The following TEX11 variants were observed in gnomAD, a reference collection of about 807,000 sequenced individuals.
TEX11 encodes the protein testis expressed 11.
A neutral mutation model predicts 84.4 loss-of-function variants in TEX11; 7 were observed. The ratio of observed to expected loss-of-function variants is 0.08; its 90% CI spans 0.05 to 0.16. The LOEUF (loss-of-function observed/expected upper bound fraction) is 0.16, where lower values mean the gene tolerates loss of function less well. Among genes scored for constraint, TEX11 ranks in the 10% least tolerant of loss-of-function variants. The pLI is 1.00. For synonymous variants in TEX11, 264 were observed against 222.8 expected (o/e 1.18, Z -1.64); for missense variants, 551 against 660.5 (o/e 0.83, Z 1.82).
chrX:70,537,491 G>A (rs1180150853), intron 28 of TEX11, among the ~76,000 whole-genome samples: 27 of 105,545 alleles, frequency 2.6e-4, no homozygotes, highest in Admixed American at 2.2e-3. Flanking sequence ...ATCAAAAGAA[G>A]AGAGAAAGAG....
chrX:70,811,202 C>T (rs927150060), intron 8 of TEX11, among the ~76,000 whole-genome samples: 8 of 104,847 alleles, frequency 7.6e-5, no homozygotes, highest in Admixed American at 1.0e-4. Flanking sequence ...CAGGCCCCAG[C>T]GTCTGATGTT....
intron 4 of TEX11, among the ~76,000 whole-genome samples, chrX:70,870,254 T>C (rs978386939): frequency 8.9e-6 from 1 of 112,199 alleles, no homozygotes; most frequent in Non-Finnish European, 1.9e-5. Flanking sequence ...CTTTTCCCTT[T>C]CATTTACTAT....
At chrX:70,677,730 C>G in intron 15 of TEX11, among the ~76,000 whole-genome samples, 1 of 110,478 alleles carries the variant, frequency 9.1e-6, no homozygotes, top group South Asian at 3.9e-4. Flanking sequence ...CTTCAGATCC[C>G]CTTCTTGTGC....
chrX:70,675,403 A>G (rs1002952425), intron 15 of TEX11, among the ~76,000 whole-genome samples: 5 of 111,573 alleles, frequency 4.5e-5, no homozygotes, highest in African/African-American at 1.3e-4. Context: ...TATTATGGTA[A>G]AAAACACATA....
intron 16 of TEX11, among the ~76,000 whole-genome samples, chrX:70,654,133 A>G (rs1308536157): frequency 9.0e-6 from 1 of 111,673 alleles, no homozygotes; most frequent in Non-Finnish European, 1.9e-5. Flanking sequence ...ACCACATATG[A>G]TGTACAACAC....
chrX:70,791,391 T>C (rs887568647), intron 9 of TEX11, among the ~76,000 whole-genome samples: 1 of 111,969 alleles, frequency 8.9e-6, no homozygotes, highest in African/African-American at 3.2e-5. Context: ...ATGAATAGCC[T>C]CAGTCACACA....
the TEX11 span, among the ~76,000 whole-genome samples, chrX:70,512,405 G>A: frequency 8.4e-5 from 9 of 107,443 alleles, no homozygotes; most frequent in Admixed American, 7.9e-4. Context: ...TTTTAGTAGC[G>A]ACGGGGTTTC....
intron 8 of TEX11, among the ~76,000 whole-genome samples, chrX:70,809,057 A>G (rs886496337): frequency 7.1e-5 from 8 of 112,024 alleles, no homozygotes; most frequent in Non-Finnish European, 1.3e-4. Flanking sequence ...GGAATTCCCA[A>G]GTCAATGGAG....
At chrX:70,644,963 G>A (rs1486449967) in intron 17 of TEX11, among the ~76,000 whole-genome samples, 2 of 109,385 alleles carry the variant, frequency 1.8e-5, no homozygotes, top group East Asian at 5.7e-4. Flanking sequence ...AAAAAAGAAA[G>A]AGAAGACAGT....
In TEX11 at chrX:70,735,008, G is replaced by A. The variant is rs116346065; in HGVS notation, c.843+5693C>T. ...GAAAAGAAAAAGAGACAAAAGGCACGCAGATTGGAAAGCAAGAAGTAAAAC... is the reference window on the plus strand; with the variant it reads ...GAAAAGAAAAAGAGACAAAAGGCACACAGATTGGAAAGCAAGAAGTAAAAC... On this transcript the variant is annotated intron_variant, in intron 11 of 29. Coordinates refer to ENST00000374333, the MANE Select transcript of TEX11 (RefSeq NM_031276.3). 1.4e-3 allele frequency among the ~76,000 whole-genome samples: 152 copies of A among 111,788 alleles called. 2 individuals carry two copies. The highest frequency in any genetic ancestry group is 4.7e-3 in the Middle Eastern group (1 of 214).
intron 7 of TEX11, among the ~76,000 whole-genome samples, chrX:70,834,606 A>G (rs987796937): frequency 9.3e-6 from 1 of 107,285 alleles, no homozygotes; most frequent in Admixed American, 1.0e-4. Flanking sequence ...AAAACAAACA[A>G]ACAAAACAAA....
chrX:70,807,930 C>G (rs1466887047), intron 8 of TEX11, among the ~76,000 whole-genome samples: 1 of 102,525 alleles, frequency 9.8e-6, no homozygotes, highest in Non-Finnish European at 2.0e-5. Context: ...ATGGCGAAAC[C>G]CCGTCTCCAC....
chrX:70,817,208 C>T (rs760607177), intron 8 of TEX11, among the ~76,000 whole-genome samples: 85 of 104,241 alleles, frequency 8.2e-4, no homozygotes, highest in African/African-American at 2.8e-3. Context: ...TACACACACA[C>T]ATATTTATAT....
intron 13 of TEX11, among the ~76,000 whole-genome samples, chrX:70,719,466 C>T (rs1004120772): frequency 9.0e-6 from 1 of 111,631 alleles, no homozygotes; most frequent in Non-Finnish European, 1.9e-5. Flanking sequence ...TTATTTATGT[C>T]TATGCAACAG....
intron 9 of TEX11, among the ~76,000 whole-genome samples, chrX:70,800,096 A>G (rs2091178118): frequency 9.0e-6 from 1 of 111,491 alleles, no homozygotes; most frequent in African/African-American, 3.3e-5. Context: ...GTTTTTTAAC[A>G]TTAAATATCT....
intron 9 of TEX11, among the ~76,000 whole-genome samples, chrX:70,777,164 C>A (rs1260952680): frequency 9.2e-6 from 1 of 108,781 alleles, no homozygotes; most frequent in African/African-American, 3.3e-5. Flanking sequence ...AGCCAGGAGC[C>A]ACCATGCCCA....
intron 28 of TEX11, among the ~76,000 whole-genome samples, chrX:70,531,904 T>C (rs2087893112): frequency 9.0e-6 from 1 of 111,562 alleles, no homozygotes; most frequent in African/African-American, 3.3e-5. Flanking sequence ...GGATTGTACT[T>C]GAGAACAAGC....
At chrX:70,900,853 A>G (rs962838879) in intron 2 of TEX11, among the ~76,000 whole-genome samples, 1 of 111,022 alleles carries the variant, frequency 9.0e-6, no homozygotes, top group Non-Finnish European at 1.9e-5. Flanking sequence ...CTGAAGCACA[A>G]GAATTGCTTG....
At chrX:70,752,456 C>T (rs1156927463) in intron 9 of TEX11, among the ~76,000 whole-genome samples, 2 of 89,850 alleles carry the variant, frequency 2.2e-5, no homozygotes, top group African/African-American at 4.3e-5. Context: ...ACCCGGGGGG[C>T]GGAGATTGCA....
Sources: allele counts gnomAD v4.1 joint callset (sites outside exome capture counted in the v4.1 genomes callset), GRCh38; gene constraint gnomAD v4.1.1; transcripts MANE v1.5; gene names NCBI Gene and HGNC (gene_info 2026-07-23, HGNC 2026-07-21).